CHI3L2: variants seen among roughly 807,000 people sequenced by gnomAD.
The protein encoded by CHI3L2 is chitinase 3 like 2, also known as chitinase-3-like protein 2.
Under a neutral mutation model 47.3 loss-of-function variants are expected in CHI3L2, and 47 were observed. The ratio of observed to expected loss-of-function variants is 0.99; its 90% CI spans 0.79 to 1.27. The LOEUF is 1.27. CHI3L2 is among the 50% of genes most tolerant of loss of function. The pLI is 0.00. For synonymous variants in CHI3L2, 198 were observed against 169.9 expected, an observed-to-expected ratio of 1.17 and a Z score of -1.28; for missense variants, 497 against 462.1, an observed-to-expected ratio of 1.08 and a Z score of -0.69.
rs374436286 is a variant in CHI3L2, at chr1:111,230,899, G to A, written c.228G>A (p.Lys76=). ...IENNKVIIKD[K]SEVMLYQTIN... ...ACAACAAGGTTATCATCAAGGACAA[G>A]AGTGAAGTGATGCTCTACCAGACCA... Residue 76 remains lysine, a synonymous_variant, in exon 3 of 11, where the codon AAG becomes AAA. Coordinates refer to ENST00000369748, the MANE Select transcript of CHI3L2 (RefSeq NM_004000.3). 3.1e-6 allele frequency: 5 copies of A among 1,614,050 alleles called. No individual in the cohort carries two copies. In the African/African-American group the frequency reaches 5.3e-5, roughly 17 times the overall value.
At chr1:111,231,359 T>G in intron 4 of CHI3L2, 65 bp downstream of exon 4, 1 of 1,272,536 alleles carries the variant, frequency 7.9e-7, no homozygotes, top group Non-Finnish European at 1.1e-6. Flanking sequence ...TCATTTTTCC[T>G]CCTTCTAAGA....
At chr1:111,230,350 C>T (rs1659679297) in intron 2 of CHI3L2, among the ~76,000 whole-genome samples, 1 of 152,116 alleles carries the variant, frequency 6.6e-6, no homozygotes. Context: ...ACCTCCCAGG[C>T]TCAAACAATC....
intron 7 of CHI3L2, among the ~76,000 whole-genome samples, chr1:111,238,147 T>C (rs967384718): frequency 6.6e-6 from 1 of 152,236 alleles, no homozygotes; most frequent in Non-Finnish European, 1.5e-5. Context: ...ACATCTTACA[T>C]GTACTGACTG....
intron 4 of CHI3L2, 23 bp downstream of exon 4, chr1:111,231,317 T>G (rs990545519): frequency 6.5e-7 from 1 of 1,542,746 alleles, no homozygotes; most frequent in African/African-American, 1.4e-5. Context: ...CTTTATTTTT[T>G]GTTCATTTCC....
Position 111,238,871 on chromosome 1 carries a change from C to T in CHI3L2, c.857C>T (p.Ala286Val). 3.7e-6 allele frequency: 6 copies of T among 1,613,478 alleles called. No homozygotes were observed. Among genetic ancestry groups the T allele is most frequent in the Non-Finnish European group, 5.1e-6 (6 of 1,179,704 alleles). ...ASAETTVGAP[A>V]SGPGAAGPIT... is the part of the protein sequence containing the mutation. ...GCAGAAACCACCGTGGGGGCCCCTG[C>T]CTCTGGCCCTGGAGCTGCTGGACCC... Residue 286 changes from alanine (A) to valine (V), a missense_variant, in exon 8 of 11, where the codon GCC (alanine) becomes GTC (valine). Physicochemically the swap from Ala to Val is moderately conservative, Grantham distance 64. Coordinates refer to ENST00000369748, the MANE Select transcript of CHI3L2 (RefSeq NM_004000.3).
At chr1:111,229,449 G>A (rs997312117) in intron 1 of CHI3L2, among the ~76,000 whole-genome samples, 1 of 151,796 alleles carries the variant, frequency 6.6e-6, no homozygotes, top group East Asian at 1.9e-4. Context: ...TTGGGAGGCC[G>A]AGGCGGGCGG....
rs757541455 is a variant in CHI3L2 at position 111,238,936 on chromosome 1, C to G, written c.918+4C>G. 6.3e-7 allele frequency: 1 copy of G among 1,583,422 alleles called. No individual in the cohort carries two copies. Among genetic ancestry groups the G allele is most frequent in the Non-Finnish European group, 8.6e-7 (1 of 1,167,802 alleles). On this transcript the variant is annotated splice_donor_region_variant and intron_variant, in intron 8 of 10. Transcript: ENST00000369748. ...AGGCTTCCTGGCCTATTATGAGGTA[C>G]CTGGAAACCCCCTGTACCCTCAGCT...
intron 7 of CHI3L2, among the ~76,000 whole-genome samples, chr1:111,238,543 T>C (rs1659949397): frequency 6.6e-6 from 1 of 152,162 alleles, no homozygotes; most frequent in Non-Finnish European, 1.5e-5. Context: ...CTTTCAGAAA[T>C]TAGAAAAAGT....
At chr1:111,235,144 A>G (rs1030369110) in intron 5 of CHI3L2, 87 bp downstream of exon 5, 17 of 1,408,338 alleles carry the variant, frequency 1.2e-5, no homozygotes, top group Non-Finnish European at 1.5e-5. Flanking sequence ...CCACATTGGG[A>G]GACAAAAAGG....
At chr1:111,241,266 C>A in intron 8 of CHI3L2, 61 bp from the exon 9 acceptor site, 2 of 933,844 alleles carry the variant, frequency 2.1e-6, no homozygotes, top group Non-Finnish European at 3.6e-6. Context: ...GCCCTGTCTA[C>A]CCCAACCAAG....
intron 1 of CHI3L2, among the ~76,000 whole-genome samples, chr1:111,229,111 T>G (rs897311112): frequency 2.0e-4 from 30 of 152,186 alleles, no homozygotes; most frequent in African/African-American, 7.2e-4. Context: ...ATAATGTTCC[T>G]TTTTACTCTT....
chr1:111,242,369 A>G lies in CHI3L2; in HGVS notation c.*2+3A>G. ...AGAAGCCTTGGCTCCCTGTGAAGGTAACAGTCCAGGCTGGAGCTGGGAGTG... is the reference window on the plus strand; with the variant it reads ...AGAAGCCTTGGCTCCCTGTGAAGGTGACAGTCCAGGCTGGAGCTGGGAGTG... On this transcript the variant is annotated splice_donor_region_variant and intron_variant, in intron 10 of 10. Coordinates refer to ENST00000369748, the MANE Select transcript of CHI3L2 (RefSeq NM_004000.3). 5 of 1,601,532 alleles carry G rather than the reference A, an allele frequency of 3.1e-6. No homozygotes were observed. Among genetic ancestry groups the G allele is most frequent in the Non-Finnish European group, 4.3e-6 (5 of 1,173,796 alleles).
intron 9 of CHI3L2, among the ~76,000 whole-genome samples, chr1:111,241,889 G>GCC (rs1383397767): frequency 5.9e-5 from 9 of 152,146 alleles, no homozygotes; most frequent in Admixed American, 3.9e-4. Flanking sequence ...TCCTTTCATG[G>GCC]TTAGAACAAA....
At chr1:111,228,675 C>G (rs1196869706) in intron 1 of CHI3L2, among the ~76,000 whole-genome samples, 1 of 152,238 alleles carries the variant, frequency 6.6e-6, no homozygotes, top group African/African-American at 2.4e-5. Context: ...TTTTCCAGCC[C>G]TAAGCTCTGC....
intron 4 of CHI3L2, among the ~76,000 whole-genome samples, chr1:111,233,760 G>A (rs915889456): frequency 3.3e-5 from 5 of 151,930 alleles, no homozygotes; most frequent in African/African-American, 1.2e-4. Context: ...GGGGGGAAAG[G>A]TGGGGAAAAG....
At chr1:111,232,788 C>G (rs535111745) in intron 4 of CHI3L2, among the ~76,000 whole-genome samples, 168 of 152,304 alleles carry the variant, frequency 1.1e-3, no homozygotes, top group African/African-American at 3.8e-3. Context: ...ATGGGCAGCT[C>G]TCCTAAAATT....
intron 7 of CHI3L2, among the ~76,000 whole-genome samples, chr1:111,237,978 C>T (rs1036538202): frequency 1.3e-5 from 2 of 152,232 alleles, no homozygotes; most frequent in African/African-American, 4.8e-5. Context: ...ACCTTGGTCT[C>T]TACACCACTT....
chr1:111,242,992 G>A (rs2101560489), intron 10 of CHI3L2, among the ~76,000 whole-genome samples: 1 of 152,252 alleles, frequency 6.6e-6, no homozygotes. Context: ...GTGATACATT[G>A]GTTCTAGGGC....
chr1:111,231,205 AAAAT>A (rs763410433), intron 3 of CHI3L2, 29 bp from the exon 4 acceptor site: 1 of 1,560,120 alleles, frequency 6.4e-7, no homozygotes, highest in Non-Finnish European at 8.8e-7. Flanking sequence ...TGGCAGCCAG[AAAAT>A]AAATAATCAT....
Sources: gnomAD v4.1 joint callset for allele counts (sites outside exome capture counted in the v4.1 genomes callset) on GRCh38, gnomAD v4.1.1 for gene constraint, MANE v1.5 for transcripts, NCBI Gene and HGNC (gene_info 2026-07-23, HGNC 2026-07-21) for gene names.